Variants in EYS observed in about 807,000 individuals in gnomAD.
EYS encodes the protein EGF-like photoreceptor maintenance factor, also known as protein eyes shut homolog.
Under a neutral mutation model 282.1 loss-of-function variants are expected in EYS, and 250 were observed. That is an observed-to-expected ratio of 0.89 (90% CI 0.80 to 0.98). The LOEUF (loss-of-function observed/expected upper bound fraction) is 0.98, where lower values mean the gene tolerates loss of function less well. Among genes scored for constraint, EYS ranks in the 50% least tolerant of loss-of-function variants. The pLI, the probability that EYS is intolerant of heterozygous loss-of-function variation, is 0.00. For synonymous variants in EYS, 1,355 were observed against 1,282.9 expected, an observed-to-expected ratio of 1.06 and a Z score of -1.20; for missense variants, 4,016 against 3,709.0, an observed-to-expected ratio of 1.08 and a Z score of -2.15.
At chr6:65,064,280 T>C (rs950789286) in intron 12 of EYS, among the ~76,000 whole-genome samples, 1 of 142,794 alleles carries the variant, frequency 7.0e-6, no homozygotes, top group African/African-American at 2.5e-5. Context: ...ATACTATATA[T>C]CATATAGTAT....
At chr6:65,681,784 C>A (rs1039487630) in intron 1 of EYS, among the ~76,000 whole-genome samples, 2 of 151,840 alleles carry the variant, frequency 1.3e-5, no homozygotes, top group African/African-American at 4.8e-5. Context: ...CTTCCTTCGC[C>A]CTTTGAGATG....
chr6:63,839,658 G>T (rs1287013894), intron 36 of EYS, among the ~76,000 whole-genome samples: 2 of 152,094 alleles, frequency 1.3e-5, no homozygotes, highest in African/African-American at 2.4e-5. Context: ...CTTGGTTATT[G>T]TAAGTAGTGC....
At position 65,701,942 on chromosome 6, in the gene EYS, C is replaced by A. The variant is rs114687571; in HGVS notation, c.-448+5193G>T. Reference sequence around the variant, plus strand: ...CATATTTCTCTGACTTCAGTGCAAACCCACAAAGGTAGTATCGGACATTTA... The same window carrying A: ...CATATTTCTCTGACTTCAGTGCAAAACCACAAAGGTAGTATCGGACATTTA... On this transcript the variant is annotated intron_variant, in intron 1 of 42. Transcript: ENST00000503581. Among the ~76,000 whole-genome samples the A allele has an allele frequency of 6.7e-3, 1,016 of 152,250 alleles. 13 individuals are homozygous for A. Among genetic ancestry groups the A allele is most frequent in the African/African-American group, 0.023 (966 of 41,546 alleles).
chr6:64,397,681 A>G (rs1184322866), intron 28 of EYS, among the ~76,000 whole-genome samples: 1 of 151,954 alleles, frequency 6.6e-6, no homozygotes, highest in Non-Finnish European at 1.5e-5. Flanking sequence ...TTGTAAATCA[A>G]TGTTGGTAGA....
intron 28 of EYS, among the ~76,000 whole-genome samples, chr6:64,390,731 A>C (rs1404256033): frequency 6.6e-6 from 1 of 150,680 alleles, no homozygotes; most frequent in Admixed American, 6.6e-5. Flanking sequence ...CCTCCTCCAA[A>C]GGAACGCAGT....
chr6:64,732,688 T>C (rs762090904), intron 22 of EYS, among the ~76,000 whole-genome samples: 9 of 152,136 alleles, frequency 5.9e-5, no homozygotes, highest in Non-Finnish European at 8.8e-5. Flanking sequence ...AACCTCTAAA[T>C]AACAGGACAG....
intron 22 of EYS, among the ~76,000 whole-genome samples, chr6:64,734,445 GT>G (rs1772114968): frequency 1.3e-5 from 2 of 152,122 alleles, no homozygotes; most frequent in African/African-American, 4.8e-5. Context: ...GTTTGCAAGT[GT>G]TTTGATGTGA....
chr6:63,888,134 C>T (rs1287328456), intron 35 of EYS, among the ~76,000 whole-genome samples: 1 of 152,180 alleles, frequency 6.6e-6, no homozygotes, highest in Non-Finnish European at 1.5e-5. Flanking sequence ...AGGCAGCAGC[C>T]CCAGTCAGGA....
chr6:64,659,466 C>G (rs1257357494), intron 22 of EYS, among the ~76,000 whole-genome samples: 1 of 151,486 alleles, frequency 6.6e-6, no homozygotes, highest in Non-Finnish European at 1.5e-5. Flanking sequence ...TTGAAAAGAT[C>G]AACAAAATTG....
intron 35 of EYS, among the ~76,000 whole-genome samples, chr6:63,876,230 C>T (rs988847202): frequency 6.6e-5 from 10 of 152,140 alleles, no homozygotes; most frequent in Non-Finnish European, 1.3e-4. Flanking sequence ...TCGTTATGTA[C>T]CCAGTAGTCA....
chr6:64,570,474 C>A (rs542410094), intron 26 of EYS, among the ~76,000 whole-genome samples: 1 of 152,026 alleles, frequency 6.6e-6, no homozygotes, highest in South Asian at 2.1e-4. Context: ...GGCTAAATGC[C>A]TCAATTGAAA....
At chr6:63,871,070 T>G (rs1052580668) in intron 35 of EYS, among the ~76,000 whole-genome samples, 3 of 152,198 alleles carry the variant, frequency 2.0e-5, no homozygotes, top group South Asian at 4.1e-4. Context: ...CTTCCAGCAC[T>G]TATTCTCCAT....
rs1157712956 is a variant in EYS, at chr6:64,802,017, C to CTTTTTTTT, written c.3443+11360_3443+11361insAAAAAAAA. Among the ~76,000 whole-genome samples the CTTTTTTTT allele has an allele frequency of 5.4e-4, 31 of 57,644 alleles. 1 individual carries two copies. The highest frequency in any genetic ancestry group is 2.7e-3 in the South Asian group (4 of 1,486). 37.8% of individuals were successfully genotyped at this position (57,644 alleles called of 152,430 possible). On this transcript the variant is annotated intron_variant, in intron 22 of 42. Transcript: ENST00000503581. ...GTTATAAGAGAGTTATAACAAATTT[C>CTTTTTTTT]TTTTTCTTTTTTTTTCTTTTTTTTT...
chr6:65,628,572 G>A (rs1477042566), intron 2 of EYS, among the ~76,000 whole-genome samples: 1 of 152,122 alleles, frequency 6.6e-6, no homozygotes, highest in Non-Finnish European at 1.5e-5. Flanking sequence ...CACACTCACC[G>A]CGAAGATCTG....
chr6:65,699,880 C>G (rs550926293), intron 1 of EYS, among the ~76,000 whole-genome samples: 114 of 151,580 alleles, frequency 7.5e-4, no homozygotes, highest in African/African-American at 2.5e-3. Flanking sequence ...TTTGGGAGGC[C>G]GAGGCGGGCG....
Position 65,570,012 on chromosome 6 carries a change from A to G in EYS, c.-333+69766T>C, listed in dbSNP as rs144416941. Among the ~76,000 whole-genome samples, 486 of 152,290 alleles carry G rather than the reference A, an allele frequency of 3.2e-3. 2 individuals are homozygous for G. Among genetic ancestry groups the G allele is most frequent in the African/African-American group, 0.011 (451 of 41,576 alleles). On this transcript the variant is annotated intron_variant, in intron 2 of 42. Transcript: ENST00000503581. Reference sequence around the variant, plus strand: ...ACAAGGGAGTTGGAATGAGGGAAAGAGGAGTCAGCCATGAAAGAAAGATTC... The same window carrying G: ...ACAAGGGAGTTGGAATGAGGGAAAGGGGAGTCAGCCATGAAAGAAAGATTC...
rs78394221 is a variant in EYS, at chr6:64,593,057, C to T, written c.3877+60G>A. ...AGATTTTAATAATGCAGAAAATATG[C>T]TTTTACCACACAACTTTTTCAAACT... On this transcript the variant is annotated intron_variant, in intron 25 of 42. Transcript: ENST00000503581. 22 of 1,265,126 alleles carry T rather than the reference C, an allele frequency of 1.7e-5. No homozygotes were observed. In the East Asian group the frequency reaches 5.9e-4, roughly 34 times the overall value. The allele number at this position is 1,265,126 out of a possible 1,614,324, so 78.4% of individuals were successfully genotyped here.
chr6:65,491,835 A>G (rs1306897118), intron 4 of EYS, among the ~76,000 whole-genome samples: 1 of 152,260 alleles, frequency 6.6e-6, no homozygotes, highest in African/African-American at 2.4e-5. Flanking sequence ...GAAGTACGCA[A>G]TTAAGGTTAA....
chr6:65,507,730 C>T (rs1281808234), intron 2 of EYS, among the ~76,000 whole-genome samples: 2 of 152,064 alleles, frequency 1.3e-5, no homozygotes, highest in Non-Finnish European at 2.9e-5. Flanking sequence ...CTCTAATGAA[C>T]CTATCAATGG....
Sources: allele counts gnomAD v4.1 joint callset (sites outside exome capture counted in the v4.1 genomes callset), GRCh38; gene constraint gnomAD v4.1.1; transcripts MANE v1.5; gene names NCBI Gene and HGNC (gene_info 2026-07-23, HGNC 2026-07-21).